HECW1: variants seen among roughly 807,000 people sequenced by gnomAD.
HECW1 encodes HECT, C2 and WW domain containing E3 ubiquitin protein ligase 1.
Under a neutral mutation model 182.3 loss-of-function variants are expected in HECW1, and 61 were observed. That is an observed-to-expected ratio of 0.33 (90% CI 0.27 to 0.41). The LOEUF is 0.41. Among genes scored for constraint, HECW1 ranks in the 10% least tolerant of loss-of-function variants. The probability of loss-of-function intolerance (pLI) is 1.00; values close to 1 mark genes in which losing one functional copy is unlikely to be tolerated. For missense variants in HECW1, 1,739 were observed against 2,108.9 expected (o/e 0.82, Z 3.44); for synonymous variants, 859 against 832.6 (o/e 1.03, Z -0.55).
chr7:43,282,806 A>C lies in HECW1; in HGVS notation c.28-28957A>C, dbSNP rs1031065666. 5.9e-5 allele frequency among the ~76,000 whole-genome samples: 9 copies of C among 152,320 alleles called. No individual in the cohort carries two copies. In the South Asian group the frequency reaches 1.9e-3, roughly 32 times the overall value. The stretch of plus-strand genomic sequence containing the variant: ...TTATGCTTCACAGCATGATATTCAC[A>C]GCATATCTTGAACAGAAATTCCCAG... On this transcript the variant is annotated intron_variant, in intron 3 of 29. Coordinates refer to ENST00000395891, the MANE Select transcript of HECW1 (RefSeq NM_015052.5).
chr7:43,552,692 T>C (rs531495698), intron 28 of HECW1, among the ~76,000 whole-genome samples: 3 of 152,378 alleles, frequency 2.0e-5, no homozygotes, highest in African/African-American at 7.2e-5. Context: ...TCTGGCTTCT[T>C]TGACTTAGCC....
At chr7:43,358,753 A>G (rs537519033) in intron 5 of HECW1, among the ~76,000 whole-genome samples, 1 of 152,096 alleles carries the variant, frequency 6.6e-6, no homozygotes, top group East Asian at 1.9e-4. Context: ...ATTTCCTGAT[A>G]GAAGTGTAAA....
intron 2 of HECW1, among the ~76,000 whole-genome samples, chr7:43,151,487 A>G (rs1789321829): frequency 6.6e-6 from 1 of 152,202 alleles, no homozygotes; most frequent in Non-Finnish European, 1.5e-5. Context: ...ATAAAACAGA[A>G]TTAATTTTTA....
At chr7:43,152,891 G>A (rs2152646847) in intron 2 of HECW1, among the ~76,000 whole-genome samples, 1 of 152,274 alleles carries the variant, frequency 6.6e-6, no homozygotes, top group African/African-American at 2.4e-5. Context: ...GCTGGAGAAG[G>A]CTTAAGTCAG....
intron 3 of HECW1, among the ~76,000 whole-genome samples, chr7:43,245,166 C>T (rs1262085311): frequency 2.0e-5 from 3 of 152,244 alleles, no homozygotes; most frequent in African/African-American, 7.2e-5. Context: ...TCCCCTTTAT[C>T]TCCTTGAGTA....
intron 2 of HECW1, among the ~76,000 whole-genome samples, chr7:43,192,573 A>C (rs1794028980): frequency 6.6e-6 from 1 of 152,200 alleles, no homozygotes; most frequent in South Asian, 2.1e-4. Flanking sequence ...TTTTTAAATA[A>C]ATTCAATTAA....
At chr7:43,546,852 G>A (rs978997956) in intron 26 of HECW1, among the ~76,000 whole-genome samples, 1 of 152,176 alleles carries the variant, frequency 6.6e-6, no homozygotes, top group African/African-American at 2.4e-5. Context: ...AGCAGAGTTA[G>A]CCTATCACTT....
intron 24 of HECW1, among the ~76,000 whole-genome samples, chr7:43,527,183 A>G (rs974813866): frequency 3.3e-5 from 5 of 152,186 alleles, no homozygotes; most frequent in African/African-American, 1.2e-4. Flanking sequence ...AACACTTACA[A>G]ATTCCAAGAT....
chr7:43,181,856 C>T (rs192035127), intron 2 of HECW1, among the ~76,000 whole-genome samples: 6 of 150,696 alleles, frequency 4.0e-5, no homozygotes, highest in Admixed American at 3.3e-4. Flanking sequence ...GGTGCGATCT[C>T]CACTCACTGC....
rs759213624 is a variant in HECW1, at chr7:43,463,778, G to A, written c.2770G>A (p.Glu924Lys). The stretch of plus-strand genomic sequence containing the variant: ...AGGTGGAGGGAGTGACTCAGAAGCC[G>A]AATCTTCCCAGTCCAGCTTAGGTAT... ...GGGGGSDSEA[E>K]SSQSSLDLRR... is the part of the protein sequence containing the mutation. Residue 924 changes from glutamate (E) to lysine (K), a missense_variant, in exon 14 of 30, where the codon GAA (glutamate) becomes AAA (lysine). This residue lies in a region of HECW1 where 971 missense variants were observed against 1,029.1 expected (regional missense o/e 0.94). Transcript: ENST00000395891. 3.2e-5 allele frequency: 51 copies of A among 1,614,002 alleles called. No individual in the cohort carries two copies. The highest frequency in any genetic ancestry group is 6.7e-5 in the East Asian group (3 of 44,868).
At position 43,432,316 on chromosome 7, in the gene HECW1, T is replaced by C. The variant is rs2076578904; in HGVS notation, c.802-5687T>C. The stretch of plus-strand genomic sequence containing the variant: ...CACTACACCCGGCTAATTTTTTGTA[T>C]TTTTAGTAGAGACGGGGTTTCACCG... On this transcript the variant is annotated intron_variant, in intron 8 of 29. Coordinates refer to ENST00000395891, the MANE Select transcript of HECW1 (RefSeq NM_015052.5). This position sits in a 1 kb window ranked among gnomAD's most constrained non-coding sequence, Gnocchi z 4.1. 6.6e-6 allele frequency among the ~76,000 whole-genome samples: 1 copy of C among 151,680 alleles called. No individual in the cohort carries two copies. Among genetic ancestry groups the C allele is most frequent in the Non-Finnish European group, 1.5e-5 (1 of 67,902 alleles).
rs902044566 is a variant in HECW1, at chr7:43,179,786, C to T, written c.-31-64089C>T. Among the ~76,000 whole-genome samples, 5 of 152,240 alleles carry T rather than the reference C, an allele frequency of 3.3e-5. No individual in the cohort carries two copies. In the East Asian group the frequency reaches 9.7e-4, roughly 29 times the overall value. ...CAAATTTTCCCAATAGTAGCCCATA[C>T]CTCAGTGTTATATAAAAGAGCCTAA... On this transcript the variant is annotated intron_variant, in intron 2 of 29. Coordinates refer to ENST00000395891, the MANE Select transcript of HECW1 (RefSeq NM_015052.5).
intron 3 of HECW1, chr7:43,274,152 G>A (rs893534622): frequency 9.6e-6 from 4 of 415,634 alleles, no homozygotes; most frequent in African/African-American, 8.2e-5. Flanking sequence ...GGCACGGAAA[G>A]GACGCCATGA....
At chr7:43,552,445 C>T (rs1377040994) in intron 28 of HECW1, 109 bp downstream of exon 28, 8 of 752,842 alleles carry the variant, frequency 1.1e-5, no homozygotes, top group Admixed American at 6.0e-5. Context: ...TTGACTAAAG[C>T]GAACAAGTCA....
At chr7:43,452,103 G>A (rs1441869614) in intron 12 of HECW1, among the ~76,000 whole-genome samples, 1 of 152,172 alleles carries the variant, frequency 6.6e-6, no homozygotes, top group Non-Finnish European at 1.5e-5. Context: ...CAAACATCAT[G>A]TCCTTGAACT....
At chr7:43,380,247 A>G (rs1445714321) in intron 6 of HECW1, among the ~76,000 whole-genome samples, 1 of 152,142 alleles carries the variant, frequency 6.6e-6, no homozygotes, top group East Asian at 1.9e-4. Context: ...AAATTTTTGT[A>G]GAGATGGAGT....
intron 2 of HECW1, among the ~76,000 whole-genome samples, chr7:43,212,168 T>A (rs11766883): frequency 0.12 from 18,627 of 152,314 alleles, 1,451 homozygotes; most frequent in Non-Finnish European, 0.18. Context: ...ACAGTTGTGA[T>A]GTTTCCTGAA....
At chr7:43,135,814 TC>T (rs1787465498) in intron 2 of HECW1, among the ~76,000 whole-genome samples, 1 of 152,228 alleles carries the variant, frequency 6.6e-6, no homozygotes, top group African/African-American at 2.4e-5. Flanking sequence ...TTGAGTTATA[TC>T]TTTTTTCATT....
chr7:43,373,273 G>C (rs990850114), intron 6 of HECW1, among the ~76,000 whole-genome samples: 9 of 137,818 alleles, frequency 6.5e-5, no homozygotes, highest in Admixed American at 3.9e-4. Flanking sequence ...GCAGTGGCTT[G>C]ATCTGGGCTC....
Sources: gnomAD v4.1 joint callset for allele counts (sites outside exome capture counted in the v4.1 genomes callset) on GRCh38, gnomAD v4.1.1 for gene constraint, gnomAD v4.1.1 regional missense constraint, Gnocchi (gnomAD v3.1) non-coding constraint, MANE v1.5 for transcripts, NCBI Gene and HGNC (gene_info 2026-07-23, HGNC 2026-07-21) for gene names.